Variants in BAIAP2L1 observed in about 807,000 individuals in gnomAD.
BAIAP2L1 encodes the protein BAR/IMD domain containing adaptor protein 2 like 1, also known as BAR/IMD domain-containing adapter protein 2-like 1.
BAIAP2L1 carries 35 observed loss-of-function variants against 66.3 expected under a neutral mutation model. The ratio of observed to expected loss-of-function variants is 0.53; its 90% confidence interval spans 0.40 to 0.70. The LOEUF is 0.70. BAIAP2L1 is among the 30% of genes least tolerant of loss of function. The probability of loss-of-function intolerance (pLI) is 0.00; values close to 1 mark genes in which losing one functional copy is unlikely to be tolerated. For synonymous variants in BAIAP2L1, 269 were observed against 248.7 expected, an observed-to-expected ratio of 1.08 and a Z score of -0.77; for missense variants, 622 against 656.9, an observed-to-expected ratio of 0.95 and a Z score of 0.58.
chr7:98,346,315 AAGG>A (rs947435472), intron 3 of BAIAP2L1, among the ~76,000 whole-genome samples: 33 of 152,334 alleles, frequency 2.2e-4, no homozygotes, highest in Admixed American at 1.6e-3. Flanking sequence ...GTCTATAAAA[AAGG>A]AGGAGACTTC....
At chr7:98,328,925 C>G (rs185682892) in intron 3 of BAIAP2L1, among the ~76,000 whole-genome samples, 1 of 152,306 alleles carries the variant, frequency 6.6e-6, no homozygotes, top group East Asian at 1.9e-4. Flanking sequence ...AACTGTCAAT[C>G]TCCTGTTATC....
At chr7:98,298,749 T>C (rs1800294850) in intron 12 of BAIAP2L1, among the ~76,000 whole-genome samples, 1 of 152,210 alleles carries the variant, frequency 6.6e-6, no homozygotes, top group African/African-American at 2.4e-5. Flanking sequence ...AAGTTATTAA[T>C]CGAGGTGGAC....
In BAIAP2L1 at chr7:98,361,780, G is replaced by C. The variant is rs1306762689; in HGVS notation, c.127+577C>G. The stretch of plus-strand genomic sequence containing the variant: ...AGACAGACCCTTACTCTGTTGCTCA[G>C]GCTGGGGTGCAGTGGCACTATCACA... On this transcript the variant is annotated intron_variant, in intron 2 of 13. Transcript: ENST00000005260. Among the ~76,000 whole-genome samples, 4 of 151,750 alleles carry C rather than the reference G, an allele frequency of 2.6e-5. No individual in the cohort carries two copies. The East Asian group carries it at 7.7e-4, about 29-fold the overall frequency.
At chr7:98,316,646 CTT>C (rs1384390047) in intron 6 of BAIAP2L1, among the ~76,000 whole-genome samples, 3 of 152,214 alleles carry the variant, frequency 2.0e-5, no homozygotes, top group Non-Finnish European at 4.4e-5. Context: ...CAAGACCTCT[CTT>C]CTAACTATTT....
In BAIAP2L1 at chr7:98,355,045, G is replaced by T. The variant is rs757639236; in HGVS notation, c.211C>A (p.Leu71Met). Residue 71 changes from leucine (L) to methionine (M), a missense_variant, in exon 3 of 14, where the codon CTG becomes ATG. By Grantham distance (15) the Leu-to-Met change is conservative. Transcript: ENST00000005260. ...IATGSPVSTELGHVLIEISST... is the reference protein window; with the variant it reads ...IATGSPVSTEMGHVLIEISST... ...TATAAAGGGACAGATCGCTCACCCA[G>T]TTCAGTTGACACGGGGGACCCAGTG... 6.2e-7 allele frequency: 1 copy of T among 1,612,130 alleles called. No homozygotes were observed. Among genetic ancestry groups the T allele is most frequent in the Non-Finnish European group, 8.5e-7 (1 of 1,178,190 alleles).
At chr7:98,310,401 A>C in intron 9 of BAIAP2L1, 44 bp downstream of exon 9, 1 of 1,552,126 alleles carries the variant, frequency 6.4e-7, no homozygotes, top group Non-Finnish European at 8.7e-7. Flanking sequence ...ATCTTAAAAC[A>C]AATGTAAAAG....
chr7:98,383,852 T>G (rs905659838), intron 1 of BAIAP2L1, among the ~76,000 whole-genome samples: 2 of 152,004 alleles, frequency 1.3e-5, no homozygotes, highest in Non-Finnish European at 2.9e-5. Flanking sequence ...AACACAAAGA[T>G]GAATGAAGAA....
chr7:98,327,503 G>A (rs1381417938), intron 3 of BAIAP2L1, among the ~76,000 whole-genome samples: 1 of 151,856 alleles, frequency 6.6e-6, no homozygotes, highest in Non-Finnish European at 1.5e-5. Flanking sequence ...GTGAAACTCT[G>A]TCTCTACTAA....
Position 98,320,081 on chromosome 7 carries a change from C to T in BAIAP2L1, c.325G>A (p.Glu109Lys). The change falls in exon 5 of 14, where the codon GAA (glutamate) becomes AAA (lysine). Residue 109 changes from glutamate to lysine, a missense_variant. Glu to Lys is a moderately conservative substitution (Grantham distance 56). Transcript: ENST00000005260. ...ACGTTCATATATTTCACGTCAAGTTCTATCTTCTTCTCCAGCTCATGGATA... is the reference window on the plus strand; with the variant it reads ...ACGTTCATATATTTCACGTCAAGTTTTATCTTCTTCTCCAGCTCATGGATA... ...EIIHELEKKI[E>K]LDVKYMNATL... The T allele has an allele frequency of 6.2e-7, 1 of 1,613,642 alleles. No homozygotes were observed.
chr7:98,297,087 G>A lies in BAIAP2L1; in HGVS notation c.1423-2976C>T, dbSNP rs906099523. ...CAAGACAGGAGACCACTAAGGCCAC[G>A]AAACCAGCAGCCACTACGAGAGTGG... On this transcript the variant is annotated intron_variant, in intron 12 of 13. Coordinates refer to ENST00000005260, the MANE Select transcript of BAIAP2L1 (RefSeq NM_018842.5). Among the ~76,000 whole-genome samples the A allele has an allele frequency of 4.6e-5, 7 of 152,224 alleles. No individual in the cohort carries two copies. The South Asian group carries it at 6.2e-4, about 14-fold the overall frequency.
chr7:98,393,198 T>G (rs201892881), intron 1 of BAIAP2L1, among the ~76,000 whole-genome samples: 1 of 141,822 alleles, frequency 7.1e-6, no homozygotes, highest in East Asian at 2.0e-4. Context: ...TGTGTTTATA[T>G]ATATATGTAA....
intron 1 of BAIAP2L1, among the ~76,000 whole-genome samples, chr7:98,395,325 A>G (rs1803174713): frequency 6.6e-6 from 1 of 151,152 alleles, no homozygotes; most frequent in Non-Finnish European, 1.5e-5. Context: ...TGTAATCCCA[A>G]CTACTCAGGA....
intron 7 of BAIAP2L1, among the ~76,000 whole-genome samples, chr7:98,314,907 A>C (rs1163195386): frequency 1.3e-5 from 2 of 152,330 alleles, no homozygotes; most frequent in African/African-American, 2.4e-5. Context: ...TTCAATGATG[A>C]AGCATTATTT....
Position 98,376,232 on chromosome 7 carries a change from G to A in BAIAP2L1, c.52-13800C>T, listed in dbSNP as rs554102997. Reference sequence around the variant, plus strand: ...TTAAACACTAATCTAGGCTAGGCACGGGAGCTCATACCTGTAATCCCAGCA... The same window carrying A: ...TTAAACACTAATCTAGGCTAGGCACAGGAGCTCATACCTGTAATCCCAGCA... On this transcript the variant is annotated intron_variant, in intron 1 of 13. Coordinates refer to ENST00000005260, the MANE Select transcript of BAIAP2L1 (RefSeq NM_018842.5). Among the ~76,000 whole-genome samples the A allele has an allele frequency of 6.2e-4, 94 of 152,038 alleles. 1 individual carries two copies. Among genetic ancestry groups the A allele is most frequent in the African/African-American group, 2.1e-3 (89 of 41,422 alleles).
At chr7:98,393,160 C>T (rs1255353590) in intron 1 of BAIAP2L1, among the ~76,000 whole-genome samples, 1 of 60,576 alleles carries the variant, frequency 1.7e-5, no homozygotes, top group Non-Finnish European at 3.3e-5. Flanking sequence ...TATATGTACA[C>T]ATATATGTAT....
In BAIAP2L1 at chr7:98,340,617, T is replaced by C. The variant is rs551614687; in HGVS notation, c.214+14425A>G. ...AGTAATATTTACTAATTATAGTACA[T>C]TGAGTATATATATACTCACTTCAAA... is the stretch of plus-strand genomic sequence containing the variant. On this transcript the variant is annotated intron_variant, in intron 3 of 13. Coordinates refer to ENST00000005260, the MANE Select transcript of BAIAP2L1 (RefSeq NM_018842.5). 5.9e-5 allele frequency among the ~76,000 whole-genome samples: 9 copies of C among 152,258 alleles called. No homozygotes were observed. The South Asian group carries it at 1.9e-3, about 32-fold the overall frequency.
At chr7:98,389,292 A>G (rs763828380) in intron 1 of BAIAP2L1, among the ~76,000 whole-genome samples, 11 of 151,846 alleles carry the variant, frequency 7.2e-5, no homozygotes, top group Non-Finnish European at 1.2e-4. Flanking sequence ...CCCTACCCCA[A>G]TCTTTTCTGC....
In BAIAP2L1 at chr7:98,292,408, A is replaced by C; in HGVS notation, c.*1113T>G. 1.8e-6 allele frequency: 1 copy of C among 550,948 alleles called. No individual in the cohort carries two copies. The highest frequency in any genetic ancestry group is 3.2e-6 in the Non-Finnish European group (1 of 308,250). The allele number at this position is 550,948 out of a possible 1,614,324, so 34.1% of individuals were successfully genotyped here. ...ATTTTTAGTAGAGACTCCTGACCTC[A>C]GGTGATCCCCCTGCCTCGGCCTCAC... On this transcript the variant is annotated 3_prime_UTR_variant, in exon 14 of 14. Coordinates refer to ENST00000005260, the MANE Select transcript of BAIAP2L1 (RefSeq NM_018842.5).
At position 98,401,028 on chromosome 7, in the gene BAIAP2L1, T is replaced by G; in HGVS notation, c.-176A>C. ...TCTCCGCTGCGAAAATGTCAAAACT[T>G]GCGGCAGCGCCGCCCTGGCCTTCTT... On this transcript the variant is annotated 5_prime_UTR_variant, in exon 1 of 14. Transcript: ENST00000005260. The G allele has an allele frequency of 3.2e-5, 14 of 438,042 alleles. No homozygotes were observed. The highest frequency in any genetic ancestry group is 5.9e-5 in the South Asian group (1 of 16,810). 27.1% of individuals were successfully genotyped at this position (438,042 alleles called of 1,614,324 possible). A position where few individuals can be genotyped will look rare whatever the true frequency, so the allele number is the denominator to read the frequency against.
Sources: gnomAD v4.1 joint callset for allele counts (sites outside exome capture counted in the v4.1 genomes callset) on GRCh38, gnomAD v4.1.1 for gene constraint, MANE v1.5 for transcripts, NCBI Gene and HGNC (gene_info 2026-07-23, HGNC 2026-07-21) for gene names.